The following ROR1 variants were observed in gnomAD, a reference collection of about 807,000 sequenced individuals.
The protein encoded by ROR1 is inactive tyrosine-protein kinase transmembrane receptor ROR1.
Under a neutral mutation model 78.8 loss-of-function variants are expected in ROR1, and 19 were observed. The observed-to-expected ratio is 0.24, with a 90% CI of 0.17 to 0.35. The LOEUF (loss-of-function observed/expected upper bound fraction) is 0.35, where lower values mean the gene tolerates loss of function less well. Among genes scored for constraint, ROR1 ranks in the 10% least tolerant of loss-of-function variants. The pLI is 1.00. For synonymous variants in ROR1, 386 were observed against 433.6 expected (o/e 0.89, Z 1.36); for missense variants, 917 against 1,177.8 (o/e 0.78, Z 3.24).
intron 4 of ROR1, among the ~76,000 whole-genome samples, chr1:64,056,569 G>C (rs1189965619): frequency 1.3e-5 from 2 of 151,332 alleles, no homozygotes; most frequent in African/African-American, 4.9e-5. Flanking sequence ...CCAGCTACTC[G>C]AGAGGCTGAG....
intron 1 of ROR1, among the ~76,000 whole-genome samples, chr1:63,865,482 G>A (rs1294521419): frequency 6.6e-6 from 1 of 152,188 alleles, no homozygotes. Context: ...ACAGGCTTAA[G>A]TTCAAGTCTC....
At chr1:63,850,495 C>G (rs544645690) in intron 1 of ROR1, among the ~76,000 whole-genome samples, 150 of 152,308 alleles carry the variant, frequency 9.8e-4, no homozygotes, top group African/African-American at 3.6e-3. Context: ...ATATAAGTTC[C>G]CGTTGCTCTT....
chr1:64,050,846 T>C, intron 4 of ROR1, 130 bp downstream of exon 4: 1 of 875,246 alleles, frequency 1.1e-6, no homozygotes, highest in South Asian at 1.4e-5. Context: ...TGCCCTGCCC[T>C]CATTCCATTT....
chr1:63,851,046 C>A (rs1461381272), intron 1 of ROR1, among the ~76,000 whole-genome samples: 1 of 152,200 alleles, frequency 6.6e-6, no homozygotes, highest in Non-Finnish European at 1.5e-5. Context: ...GTGGCACGAT[C>A]TAGGCTCACT....
chr1:64,175,132 C>T (rs1340798251), intron 8 of ROR1, among the ~76,000 whole-genome samples: 2 of 151,368 alleles, frequency 1.3e-5, no homozygotes, highest in South Asian at 2.1e-4. Flanking sequence ...AGAACCTCTG[C>T]CCCCCTTTTT....
intron 1 of ROR1, among the ~76,000 whole-genome samples, chr1:63,827,529 A>G (rs1203739981): frequency 1.3e-5 from 2 of 152,126 alleles, no homozygotes; most frequent in Non-Finnish European, 2.9e-5. Flanking sequence ...AAGGGGTTGG[A>G]TGGAATTTGT....
intron 1 of ROR1, among the ~76,000 whole-genome samples, chr1:63,797,663 C>T (rs185382623): frequency 9.9e-5 from 15 of 152,222 alleles, no homozygotes; most frequent in Admixed American, 7.2e-4. Flanking sequence ...CAAATGAACA[C>T]GGTTTTGAAT....
chr1:64,002,158 G>A (rs1441736422), intron 1 of ROR1, among the ~76,000 whole-genome samples: 9 of 142,686 alleles, frequency 6.3e-5, no homozygotes, highest in East Asian at 4.0e-4. Flanking sequence ...TTTTTGAGAC[G>A]GAGTCTCGCT....
At chr1:64,083,328 G>A (rs929347302) in intron 4 of ROR1, among the ~76,000 whole-genome samples, 3 of 152,186 alleles carry the variant, frequency 2.0e-5, no homozygotes, top group Non-Finnish European at 2.9e-5. Context: ...TGTATTTAGA[G>A]ACTGACAGTG....
chr1:63,965,567 C>T (rs17125875), intron 1 of ROR1, among the ~76,000 whole-genome samples: 3,376 of 152,182 alleles, frequency 0.022, 62 homozygotes, highest in African/African-American at 0.048. Flanking sequence ...TTTCCAAAAT[C>T]CCATAAAGAC....
intron 1 of ROR1, among the ~76,000 whole-genome samples, chr1:63,865,836 G>A (rs1219634765): frequency 6.6e-6 from 1 of 152,176 alleles, no homozygotes; most frequent in African/African-American, 2.4e-5. Flanking sequence ...TTGCTCAGTA[G>A]ATTAACAAGG....
chr1:63,937,885 C>T (rs928074785), intron 1 of ROR1, among the ~76,000 whole-genome samples: 6 of 152,106 alleles, frequency 3.9e-5, no homozygotes, highest in Admixed American at 2.0e-4. Flanking sequence ...CTGTAGAGCC[C>T]GTGTAGACAG....
intron 7 of ROR1, among the ~76,000 whole-genome samples, chr1:64,156,962 A>G (rs1166196400): frequency 6.6e-6 from 1 of 152,152 alleles, no homozygotes; most frequent in Admixed American, 6.5e-5. Context: ...TGGGCAACTT[A>G]CTTAACCACT....
At chr1:63,933,874 A>T (rs1569935640) in intron 1 of ROR1, among the ~76,000 whole-genome samples, 1 of 152,294 alleles carries the variant, frequency 6.6e-6, no homozygotes, top group East Asian at 1.9e-4. Context: ...ACCCAGAGCA[A>T]GTTCCGCACC....
chr1:64,078,325 C>T (rs1647069778), intron 4 of ROR1, among the ~76,000 whole-genome samples: 1 of 152,112 alleles, frequency 6.6e-6, no homozygotes, highest in African/African-American at 2.4e-5. Flanking sequence ...GCACAGGAAA[C>T]AAAAATGATC....
chr1:63,975,510 T>C (rs1333427705), intron 1 of ROR1, among the ~76,000 whole-genome samples: 1 of 152,146 alleles, frequency 6.6e-6, no homozygotes, highest in Non-Finnish European at 1.5e-5. Context: ...AGAAATCAAC[T>C]TTTCTTTGGG....
chr1:64,124,138 A>G (rs1317095587), intron 4 of ROR1, among the ~76,000 whole-genome samples: 2 of 152,216 alleles, frequency 1.3e-5, no homozygotes, highest in Admixed American at 6.5e-5. Flanking sequence ...TATATGCTAC[A>G]TATTAACCTT....
chr1:63,987,098 C>A (rs185475529), intron 1 of ROR1, among the ~76,000 whole-genome samples: 1 of 152,254 alleles, frequency 6.6e-6, no homozygotes, highest in African/African-American at 2.4e-5. Context: ...GTTTCTGCCT[C>A]TGCTCTTTTC....
chr1:63,943,011 G>A (rs1052994270), intron 1 of ROR1, among the ~76,000 whole-genome samples: 4 of 149,462 alleles, frequency 2.7e-5, no homozygotes, highest in African/African-American at 9.9e-5. Flanking sequence ...GATCACTTGA[G>A]CCCAGGAGGT....
Sources: gnomAD v4.1 joint callset for allele counts (sites outside exome capture counted in the v4.1 genomes callset) on GRCh38, gnomAD v4.1.1 for gene constraint, MANE v1.5 for transcripts, NCBI Gene and HGNC (gene_info 2026-07-23, HGNC 2026-07-21) for gene names.